The following THSD7A variants were observed in gnomAD, a reference collection of about 807,000 sequenced individuals.
THSD7A encodes thrombospondin type-1 domain-containing protein 7A.
THSD7A carries 96 observed loss-of-function variants against 231.3 expected under a neutral mutation model. The observed-to-expected ratio is 0.41, with a 90% CI of 0.35 to 0.49. THSD7A has a LOEUF of 0.49. Ranked by LOEUF, THSD7A falls within the 20% of genes least tolerant of loss-of-function variation. The probability of loss-of-function intolerance (pLI) is 0.05; values close to 1 mark genes in which losing one functional copy is unlikely to be tolerated. For synonymous variants in THSD7A, 940 were observed against 743.3 expected, an observed-to-expected ratio of 1.26 and a Z score of -4.30; for missense variants, 2,290 against 2,070.2, an observed-to-expected ratio of 1.11 and a Z score of -2.06.
At chr7:11,550,484 C>T (rs1343381268) in intron 4 of THSD7A, among the ~76,000 whole-genome samples, 2 of 152,092 alleles carry the variant, frequency 1.3e-5, no homozygotes, top group Non-Finnish European at 2.9e-5. Flanking sequence ...GGGGCACTTC[C>T]CCCATGCTAT....
intron 1 of THSD7A, chr7:11,821,397 G>GT (rs1236786987): frequency 3.2e-6 from 1 of 313,454 alleles, no homozygotes; most frequent in East Asian, 5.0e-5. Context: ...GATTTTAAAA[G>GT]CCCTTTTTTT....
intron 1 of THSD7A, among the ~76,000 whole-genome samples, chr7:11,639,306 T>C (rs945906169): frequency 1.3e-5 from 2 of 152,198 alleles, no homozygotes; most frequent in African/African-American, 4.8e-5. Context: ...TGATTTTTTA[T>C]AGCAAACTTA....
At chr7:11,490,757 T>A (rs1786857185) in intron 6 of THSD7A, among the ~76,000 whole-genome samples, 2 of 152,104 alleles carry the variant, frequency 1.3e-5, no homozygotes. Flanking sequence ...CACATTTAGT[T>A]TTTTAGTAAC....
Position 11,491,854 on chromosome 7 carries a change from C to T in THSD7A, c.1823-9872G>A, listed in dbSNP as rs542216706. ...TATGAGTTCTAATCTCAAGTTAGTCCCTCGTGGAGCCTTGCAACGCTCTTT... is the reference window on the plus strand; with the variant it reads ...TATGAGTTCTAATCTCAAGTTAGTCTCTCGTGGAGCCTTGCAACGCTCTTT... On this transcript the variant is annotated intron_variant, in intron 6 of 27. Coordinates refer to ENST00000423059, the MANE Select transcript of THSD7A (RefSeq NM_015204.3). Among the ~76,000 whole-genome samples the T allele has an allele frequency of 2.0e-4, 31 of 152,104 alleles. No individual in the cohort carries two copies. The South Asian group carries it at 6.4e-3, about 32-fold the overall frequency.
In THSD7A at chr7:11,444,772, A is replaced by T. The variant is rs1784909948; in HGVS notation, c.3064+1289T>A. 1.4e-5 allele frequency among the ~76,000 whole-genome samples: 2 copies of T among 144,568 alleles called. No individual in the cohort carries two copies. The highest frequency in any genetic ancestry group is 3.0e-5 in the Non-Finnish European group (2 of 67,308). The allele number at this position is 144,568 out of a possible 152,430, so 94.8% of individuals were successfully genotyped here. A position where few individuals can be genotyped will look rare whatever the true frequency, so the allele number is the denominator to read the frequency against. On this transcript the variant is annotated intron_variant, in intron 13 of 27. Transcript: ENST00000423059. This position sits in a 1 kb window ranked among gnomAD's most constrained non-coding sequence, Gnocchi z 4.2. ...TAACAAAAAAAAAGAGAGGGGGCACAGTTGTCTGCTCTGTGTGTGTGTGTG... is the reference window on the plus strand; with the variant it reads ...TAACAAAAAAAAAGAGAGGGGGCACTGTTGTCTGCTCTGTGTGTGTGTGTG...
intron 11 of THSD7A, among the ~76,000 whole-genome samples, chr7:11,460,443 T>C (rs1785462415): frequency 6.6e-6 from 1 of 152,142 alleles, no homozygotes; most frequent in Non-Finnish European, 1.5e-5. Context: ...CAGACATAAA[T>C]GAGAGAAAAA....
At chr7:11,625,299 T>C (rs1781441263) in intron 2 of THSD7A, among the ~76,000 whole-genome samples, 1 of 152,166 alleles carries the variant, frequency 6.6e-6, no homozygotes, top group African/African-American at 2.4e-5. Context: ...GCTTCATTTA[T>C]TCCAGTATGT....
chr7:11,797,815 C>T (rs1048214664), intron 1 of THSD7A, among the ~76,000 whole-genome samples: 6 of 152,076 alleles, frequency 3.9e-5, no homozygotes, highest in African/African-American at 1.4e-4. Context: ...CATTCTCAGC[C>T]AGACATCACT....
At chr7:11,794,474 T>C (rs957290543) in intron 1 of THSD7A, among the ~76,000 whole-genome samples, 4 of 151,988 alleles carry the variant, frequency 2.6e-5, no homozygotes, top group African/African-American at 9.7e-5. Context: ...AAAAATCTCT[T>C]CTTTTCTACA....
At chr7:11,565,868 T>C (rs1790292189) in intron 4 of THSD7A, among the ~76,000 whole-genome samples, 1 of 152,202 alleles carries the variant, frequency 6.6e-6, no homozygotes, top group African/African-American at 2.4e-5. Context: ...CTACAACGAA[T>C]CCACCTGTTC....
intron 6 of THSD7A, among the ~76,000 whole-genome samples, chr7:11,484,007 C>T (rs999626414): frequency 6.6e-6 from 1 of 151,848 alleles, no homozygotes; most frequent in Admixed American, 6.6e-5. Context: ...TTTTTCCGCA[C>T]TCCCCCTGCC....
chr7:11,467,387 A>G (rs1330297637), intron 9 of THSD7A, among the ~76,000 whole-genome samples: 2 of 152,174 alleles, frequency 1.3e-5, no homozygotes, highest in African/African-American at 2.4e-5. Context: ...GAAGAGTTCT[A>G]TATGTTAAAT....
chr7:11,635,960 G>C (rs1365830590), intron 2 of THSD7A, among the ~76,000 whole-genome samples, 170 bp downstream of exon 2: 1 of 151,810 alleles, frequency 6.6e-6, no homozygotes, highest in Admixed American at 6.6e-5. Flanking sequence ...GGACACAATA[G>C]AAACAACACC....
chr7:11,733,272 A>T (rs1055765310), intron 1 of THSD7A, among the ~76,000 whole-genome samples: 6 of 151,840 alleles, frequency 4.0e-5, no homozygotes, highest in Non-Finnish European at 7.4e-5. Flanking sequence ...TTATGTCAGT[A>T]ACAGCCCTGT....
chr7:11,725,183 C>G (rs1365313710), intron 1 of THSD7A, among the ~76,000 whole-genome samples: 3 of 151,848 alleles, frequency 2.0e-5, no homozygotes, highest in Non-Finnish European at 4.4e-5. Flanking sequence ...TTTTAACAAC[C>G]AAAACAATTA....
At chr7:11,598,901 G>A (rs903571731) in intron 2 of THSD7A, among the ~76,000 whole-genome samples, 1 of 152,162 alleles carries the variant, frequency 6.6e-6, no homozygotes, top group African/African-American at 2.4e-5. Context: ...TAAACTGGAA[G>A]TTAAGGTTGC....
intron 2 of THSD7A, among the ~76,000 whole-genome samples, chr7:11,631,515 T>C (rs531097215): frequency 6.6e-6 from 1 of 152,320 alleles, no homozygotes; most frequent in African/African-American, 2.4e-5. Flanking sequence ...CAACACTTCA[T>C]TCCACAAGTT....
At chr7:11,442,508 G>A (rs1784838024) in intron 13 of THSD7A, among the ~76,000 whole-genome samples, 1 of 152,024 alleles carries the variant, frequency 6.6e-6, no homozygotes, top group African/African-American at 2.4e-5. Context: ...AAAGCTGGAA[G>A]ATACTTTTTT....
chr7:11,388,773 C>T (rs1296199806), intron 23 of THSD7A, among the ~76,000 whole-genome samples: 1 of 152,156 alleles, frequency 6.6e-6, no homozygotes, highest in South Asian at 2.1e-4. Context: ...AATTTTAGAT[C>T]ATTCCTGCTT....
Sources: allele counts gnomAD v4.1 joint callset (sites outside exome capture counted in the v4.1 genomes callset), GRCh38; gene constraint gnomAD v4.1.1; non-coding constraint Gnocchi (gnomAD v3.1); transcripts MANE v1.5; gene names NCBI Gene and HGNC (gene_info 2026-07-23, HGNC 2026-07-21).